Variants in ZNF609 observed in about 807,000 individuals in gnomAD.
The protein encoded by ZNF609 is zinc finger protein 609.
ZNF609 carries 11 observed loss-of-function variants against 109.5 expected under a neutral mutation model. The ratio of observed to expected loss-of-function variants is 0.10; its 90% CI spans 0.06 to 0.17. The LOEUF is 0.17. Ranked by LOEUF, ZNF609 falls within the 10% of genes least tolerant of loss-of-function variation. The probability of loss-of-function intolerance (pLI) is 1.00; values close to 1 mark genes in which losing one functional copy is unlikely to be tolerated. For synonymous variants in ZNF609, 646 were observed against 662.0 expected (o/e 0.98, Z 0.37); for missense variants, 1,559 against 1,772.4 (o/e 0.88, Z 2.16).
At chr15:64,508,878 G>C (rs200304566) in intron 2 of ZNF609, among the ~76,000 whole-genome samples, 1 of 145,310 alleles carries the variant, frequency 6.9e-6, no homozygotes, top group African/African-American at 2.5e-5. Flanking sequence ...AATTTTTTTA[G>C]AGACGGGGTC....
At chr15:64,639,301 G>A (rs1896220193) in intron 3 of ZNF609, among the ~76,000 whole-genome samples, 1 of 152,132 alleles carries the variant, frequency 6.6e-6, no homozygotes, top group Non-Finnish European at 1.5e-5. Context: ...CTGCCTTTGG[G>A]GCTGTATTAA....
chr15:64,462,970 TG>T (rs1892963833), intron 1 of ZNF609, among the ~76,000 whole-genome samples: 1 of 152,204 alleles, frequency 6.6e-6, no homozygotes, highest in African/African-American at 2.4e-5. Context: ...AAAAATTATT[TG>T]GGACCAGGCA....
intron 2 of ZNF609, among the ~76,000 whole-genome samples, chr15:64,517,787 ATATTAT>A (rs746999020): frequency 6.6e-6 from 1 of 150,964 alleles, no homozygotes. Context: ...TTATACATAT[ATATTAT>A]TATTATTATT....
intron 3 of ZNF609, among the ~76,000 whole-genome samples, chr15:64,645,083 T>TCCCC (rs1896314986): frequency 1.7e-5 from 1 of 60,012 alleles, no homozygotes; most frequent in African/African-American, 8.0e-5. Flanking sequence ...CTTCCTTTCT[T>TCCCC]TCCCTCCCTC....
chr15:64,663,032 A>G (rs543741662), intron 3 of ZNF609, among the ~76,000 whole-genome samples: 2 of 152,278 alleles, frequency 1.3e-5, no homozygotes, highest in South Asian at 2.1e-4. Context: ...TGTATCACCT[A>G]TACCTGTATG....
intron 3 of ZNF609, among the ~76,000 whole-genome samples, chr15:64,623,555 A>G (rs1479505676): frequency 3.9e-5 from 6 of 152,078 alleles, no homozygotes; most frequent in Admixed American, 3.3e-4. Flanking sequence ...CCAGCCACCC[A>G]CACCGCTTCA....
intron 1 of ZNF609, among the ~76,000 whole-genome samples, chr15:64,490,398 C>G (rs571842784): frequency 1.3e-5 from 2 of 151,982 alleles, no homozygotes; most frequent in East Asian, 1.9e-4. Context: ...CTCAGCCTCC[C>G]TAGTAGCTGG....
intron 2 of ZNF609, among the ~76,000 whole-genome samples, chr15:64,591,902 G>A (rs964982943): frequency 6.6e-6 from 1 of 152,066 alleles, no homozygotes; most frequent in East Asian, 1.9e-4. Flanking sequence ...AGTAGAGATG[G>A]GGTTTCACCA....
chr15:64,662,113 C>T (rs1181978922), intron 3 of ZNF609, among the ~76,000 whole-genome samples: 1 of 151,386 alleles, frequency 6.6e-6, no homozygotes, highest in Non-Finnish European at 1.5e-5. Flanking sequence ...TGCTTCACTA[C>T]ATGACTATTG....
chr15:64,562,191 A>G (rs1231684367), intron 2 of ZNF609, among the ~76,000 whole-genome samples: 3 of 152,232 alleles, frequency 2.0e-5, no homozygotes, highest in Non-Finnish European at 4.4e-5. Context: ...TCAGTTTGGC[A>G]TAGTGCCAAG....
In ZNF609 at chr15:64,630,091, C is replaced by CTTTTTTTTTT. The variant is rs200425813; in HGVS notation, c.973+7045_973+7046insTTTTTTTTTT. Among the ~76,000 whole-genome samples the CTTTTTTTTTT allele has an allele frequency of 2.3e-4, 33 of 143,076 alleles. 1 individual carries two copies. The highest frequency in any genetic ancestry group is 6.5e-4 in the African/African-American group (24 of 37,144). 93.9% of individuals were successfully genotyped at this position (143,076 alleles called of 152,430 possible). On this transcript the variant is annotated intron_variant, in intron 3 of 9. Coordinates refer to ENST00000326648, the MANE Select transcript of ZNF609 (RefSeq NM_015042.2). ...CCTACATTACCATCCTCCTAATTTT[C>CTTTTTTTTTT]TTTTTTCTTTTTTTTTTTTTTTTTG...
chr15:64,539,660 T>C (rs775234550), intron 2 of ZNF609, among the ~76,000 whole-genome samples: 3 of 152,112 alleles, frequency 2.0e-5, no homozygotes, highest in Admixed American at 1.3e-4. Flanking sequence ...CCTGCCACCA[T>C]TCCCGGCTAA....
At chr15:64,523,851 G>A (rs1893928427) in intron 2 of ZNF609, among the ~76,000 whole-genome samples, 1 of 151,940 alleles carries the variant, frequency 6.6e-6, no homozygotes, top group East Asian at 1.9e-4. Context: ...GATGGCCTAA[G>A]CTCTGGGTAG....
chr15:64,536,220 C>T (rs989086239), intron 2 of ZNF609, among the ~76,000 whole-genome samples: 3 of 152,116 alleles, frequency 2.0e-5, no homozygotes, highest in African/African-American at 4.8e-5. Flanking sequence ...CAGGGTCTTA[C>T]TATGTTGCTG....
chr15:64,511,991 G>C (rs1436297905), intron 2 of ZNF609, among the ~76,000 whole-genome samples: 1 of 151,644 alleles, frequency 6.6e-6, no homozygotes, highest in East Asian at 1.9e-4. Flanking sequence ...GGGATTACAG[G>C]CATGAGCCAC....
At chr15:64,679,678 G>A (rs771677589) in intron 6 of ZNF609, among the ~76,000 whole-genome samples, 3 of 152,166 alleles carry the variant, frequency 2.0e-5, no homozygotes, top group Admixed American at 6.5e-5. Context: ...TTGAGTGCTC[G>A]CCCTGAGCCA....
At chr15:64,532,846 T>G (rs1230463681) in intron 2 of ZNF609, among the ~76,000 whole-genome samples, 1 of 152,172 alleles carries the variant, frequency 6.6e-6, no homozygotes, top group Non-Finnish European at 1.5e-5. Context: ...AAAAGAGGAC[T>G]GGGGCTTCAG....
chr15:64,668,286 A>C (rs1030754474), intron 3 of ZNF609, among the ~76,000 whole-genome samples: 8 of 152,178 alleles, frequency 5.3e-5, no homozygotes, highest in Non-Finnish European at 8.8e-5. Context: ...CCTAAATACA[A>C]CTAAAAACTC....
chr15:64,485,634 C>A (rs1893321605), intron 1 of ZNF609, among the ~76,000 whole-genome samples: 1 of 151,756 alleles, frequency 6.6e-6, no homozygotes, highest in Non-Finnish European at 1.5e-5. Flanking sequence ...GAGACCCTGT[C>A]TACAAAATTT....
Sources: gnomAD v4.1 joint callset for allele counts (sites outside exome capture counted in the v4.1 genomes callset) on GRCh38, gnomAD v4.1.1 for gene constraint, MANE v1.5 for transcripts, NCBI Gene and HGNC (gene_info 2026-07-23, HGNC 2026-07-21) for gene names.